Variants in SYNPO2 observed in about 807,000 individuals in gnomAD.
The protein encoded by SYNPO2 is synaptopodin 2.
In SYNPO2, 56 loss-of-function variants were observed where a neutral mutation model predicts 85.0. That is an observed-to-expected ratio of 0.66 (90% confidence interval 0.53 to 0.82). The LOEUF is 0.82. Ranked by LOEUF, SYNPO2 falls within the 40% of genes least tolerant of loss-of-function variation. SYNPO2 has a pLI of 0.00. For synonymous variants in SYNPO2, 602 were observed against 591.1 expected, an observed-to-expected ratio of 1.02 and a Z score of -0.27; for missense variants, 1,575 against 1,534.2, an observed-to-expected ratio of 1.03 and a Z score of -0.44.
At chr4:118,858,551 G>C (rs899846166) in intron 1 of SYNPO2, among the ~76,000 whole-genome samples, 5 of 152,206 alleles carry the variant, frequency 3.3e-5, no homozygotes, top group African/African-American at 1.2e-4. Context: ...TAGGCCTAAA[G>C]ACACAGAACA....
At chr4:119,043,173 T>C (rs1435732098) in intron 4 of SYNPO2, 1 of 152,220 alleles carries the variant, frequency 6.6e-6, no homozygotes, top group Non-Finnish European at 1.5e-5. Context: ...ATGTTTTTTT[T>C]TGTTTTGTTT....
intron 4 of SYNPO2, among the ~76,000 whole-genome samples, chr4:119,047,949 C>T (rs1047757945): frequency 8.5e-5 from 13 of 152,184 alleles, no homozygotes; most frequent in Non-Finnish European, 1.5e-4. Context: ...TCTCTTTTAT[C>T]GTTTTCTTCT....
At chr4:118,951,023 G>A (rs766094237) in intron 1 of SYNPO2, among the ~76,000 whole-genome samples, 17 of 152,328 alleles carry the variant, frequency 1.1e-4, no homozygotes, top group Middle Eastern at 3.4e-3. Context: ...GGTGAAACTT[G>A]TTGGGAGGAG....
intron 1 of SYNPO2, among the ~76,000 whole-genome samples, chr4:118,980,470 TG>T (rs1228313752): frequency 6.6e-6 from 1 of 152,116 alleles, no homozygotes; most frequent in Non-Finnish European, 1.5e-5. Context: ...CTGGGAGCTG[TG>T]GGGTCACCAT....
chr4:118,854,645 T>A (rs977273805), intron 1 of SYNPO2, among the ~76,000 whole-genome samples: 2 of 152,148 alleles, frequency 1.3e-5, no homozygotes, highest in Non-Finnish European at 2.9e-5. Context: ...TGAAACATCT[T>A]GTCATTATAA....
intron 1 of SYNPO2, among the ~76,000 whole-genome samples, chr4:118,861,550 C>T (rs974739158): frequency 2.6e-5 from 4 of 152,158 alleles, no homozygotes; most frequent in African/African-American, 9.7e-5. Context: ...TAGTTTCTTT[C>T]TTCTGCATAT....
chr4:118,907,213 TA>T (rs1732968199), intron 1 of SYNPO2, among the ~76,000 whole-genome samples: 1 of 152,198 alleles, frequency 6.6e-6, no homozygotes, highest in African/African-American at 2.4e-5. Flanking sequence ...ATATGTTTTT[TA>T]AAAAACGTCA....
chr4:118,906,569 AT>A (rs1259215901), intron 1 of SYNPO2, among the ~76,000 whole-genome samples: 2 of 152,206 alleles, frequency 1.3e-5, no homozygotes, highest in Non-Finnish European at 1.5e-5. Context: ...ATGAGTGGTC[AT>A]ATTGTCTCAG....
intron 4 of SYNPO2, chr4:119,037,266 C>A: frequency 3.4e-6 from 5 of 1,450,010 alleles, no homozygotes; most frequent in Non-Finnish European, 4.6e-6. Context: ...ATTTCTTGGG[C>A]TCCTTAATAA....
chr4:119,036,851 T>C (rs1173199122), intron 4 of SYNPO2: 1 of 1,098,590 alleles, frequency 9.1e-7, no homozygotes, highest in African/African-American at 1.6e-5. Flanking sequence ...AATTTAATTT[T>C]AAATATCAAG....
intron 1 of SYNPO2, among the ~76,000 whole-genome samples, chr4:118,879,763 C>T (rs1373175956): frequency 6.6e-6 from 1 of 152,088 alleles, no homozygotes; most frequent in South Asian, 2.1e-4. Flanking sequence ...CTGAACTGTC[C>T]GTGGTCTTGG....
chr4:118,991,863 GC>G (rs764798287), intron 1 of SYNPO2, among the ~76,000 whole-genome samples: 15 of 152,302 alleles, frequency 9.8e-5, no homozygotes, highest in African/African-American at 3.1e-4. Context: ...ACATAGAAAT[GC>G]CCCGAAGCAG....
intron 1 of SYNPO2, among the ~76,000 whole-genome samples, chr4:118,910,490 A>G (rs1307405967): frequency 3.3e-5 from 5 of 151,526 alleles, no homozygotes; most frequent in African/African-American, 4.8e-5. Context: ...TTGTTTAATT[A>G]TGTGTGTGTG....
intron 1 of SYNPO2, among the ~76,000 whole-genome samples, chr4:119,005,698 C>G (rs1737008755): frequency 6.6e-6 from 1 of 152,016 alleles, no homozygotes. Flanking sequence ...TTAGGATTGA[C>G]TTGGTGATGT....
chr4:119,028,875 G>A (rs1322242218), intron 3 of SYNPO2, among the ~76,000 whole-genome samples: 1 of 151,740 alleles, frequency 6.6e-6, no homozygotes, highest in Non-Finnish European at 1.5e-5. Flanking sequence ...AATTATAAAT[G>A]ATAGATGCTA....
chr4:119,052,534 T>C (rs1327482247), intron 4 of SYNPO2, among the ~76,000 whole-genome samples: 2 of 152,148 alleles, frequency 1.3e-5, no homozygotes, highest in Non-Finnish European at 2.9e-5. Flanking sequence ...AACTTTCTTC[T>C]CCTCTTTTAT....
chr4:118,987,795 A>C (rs1736274091), intron 1 of SYNPO2, among the ~76,000 whole-genome samples: 1 of 152,164 alleles, frequency 6.6e-6, no homozygotes, highest in South Asian at 2.1e-4. Flanking sequence ...TTTGTTTTTA[A>C]AACATCCATT....
chr4:118,912,787 G>A (rs1435144037), intron 1 of SYNPO2, among the ~76,000 whole-genome samples: 2 of 152,154 alleles, frequency 1.3e-5, no homozygotes, highest in Non-Finnish European at 2.9e-5. Context: ...TAGGGTTTTA[G>A]TTGGGCAAGC....
At chr4:119,043,937 C>CAAAAAAAA (rs34238900) in intron 4 of SYNPO2, 6 of 67,880 alleles carry the variant, frequency 8.8e-5, no homozygotes, top group Non-Finnish European at 1.0e-4. Context: ...GACTCCGTCT[C>CAAAAAAAA]AAAAAAAAAA....
Sources: gnomAD v4.1 joint callset for allele counts (sites outside exome capture counted in the v4.1 genomes callset) on GRCh38, gnomAD v4.1.1 for gene constraint, MANE v1.5 for transcripts, NCBI Gene and HGNC (gene_info 2026-07-23, HGNC 2026-07-21) for gene names.